MXRA5: variants seen among roughly 807,000 people sequenced by gnomAD.
MXRA5 encodes matrix-remodeling-associated protein 5.
In MXRA5, 41 loss-of-function variants were observed where a neutral mutation model predicts 112.5. The ratio of observed to expected loss-of-function variants is 0.36; its 90% CI spans 0.28 to 0.47. The LOEUF is 0.47. MXRA5 is among the 20% of genes least tolerant of loss of function. MXRA5 has a pLI of 0.99. For synonymous variants in MXRA5, 862 were observed against 900.8 expected (o/e 0.96, Z 0.77); for missense variants, 2,150 against 2,251.0 (o/e 0.96, Z 0.91).
rs1260557232 is a variant in MXRA5 at position 3,330,300 on chromosome X, G to T, written c.427C>A (p.His143Asn). 1.7e-6 allele frequency: 2 copies of T among 1,208,895 alleles called. No individual in the cohort carries two copies. The highest frequency in any genetic ancestry group is 2.2e-6 in the Non-Finnish European group (2 of 895,012). ...HIDHNKIEFI[H>N]PQAFNGLTSL... The stretch of plus-strand genomic sequence containing the variant: ...GTTAAGCCGTTGAAAGCTTGAGGGT[G>T]GATAAACTCGATCTTGTTGTGGTCA... The change falls in exon 4 of 7, where the codon CAC (histidine) becomes AAC (asparagine). Residue 143 changes from histidine to asparagine, a missense_variant. By Grantham distance (68) the His-to-Asn change is moderately conservative. Around this residue, in one of 6 missense-constraint regions of MXRA5, gnomAD observed 386 missense variants for 411.0 expected, o/e 0.94. Coordinates refer to ENST00000217939, the MANE Select transcript of MXRA5 (RefSeq NM_015419.4).
chrX:3,316,357 A>AATAT (rs1424907470), intron 6 of MXRA5, among the ~76,000 whole-genome samples: 21 of 99,196 alleles, frequency 2.1e-4, no homozygotes, highest in African/African-American at 3.0e-4. Context: ...TAAATAAATA[A>AATAT]ATAAATCACA....
chrX:3,331,475 G>A (rs1238258814), intron 2 of MXRA5, among the ~76,000 whole-genome samples: 1 of 111,696 alleles, frequency 9.0e-6, no homozygotes, highest in African/African-American at 3.3e-5. Context: ...GTAATAAAGA[G>A]GGACACGTGG....
Position 3,321,523 on chromosome X carries a change from G to C in MXRA5, c.4162C>G (p.Pro1388Ala), listed in dbSNP as rs530354790. The C allele has an allele frequency of 8.5e-5, 103 of 1,208,656 alleles. 1 individual carries two copies. In the South Asian group the frequency reaches 1.8e-3, roughly 21 times the overall value. ...GGTATGCCTGTCTGTAGCCTCCCAG[G>C]CTGGGCCGTCCTTGAGGGATTCCAG... ...PTWNPSRTAQ[P>A]GRLQTGIPVT... Residue 1388 changes from proline to alanine, a missense_variant, in exon 5 of 7, where the codon CCT (proline) becomes GCT (alanine). Coordinates refer to ENST00000217939, the MANE Select transcript of MXRA5 (RefSeq NM_015419.4).
chrX:3,329,934 A>T, intron 4 of MXRA5, 84 bp downstream of exon 4: 2 of 1,053,836 alleles, frequency 1.9e-6, no homozygotes, highest in Admixed American at 6.5e-5. Flanking sequence ...GAATAAGTCA[A>T]TATAAGAACC....
At chrX:3,325,618 T>A (rs1299208271) in intron 4 of MXRA5, among the ~76,000 whole-genome samples, 1 of 103,845 alleles carries the variant, frequency 9.6e-6, no homozygotes, top group East Asian at 2.9e-4. Context: ...AATATGTAGA[T>A]ATATTGACAT....
At chrX:3,329,517 C>T (rs1158044211) in intron 4 of MXRA5, among the ~76,000 whole-genome samples, 2 of 50,522 alleles carry the variant, frequency 4.0e-5, no homozygotes, top group East Asian at 9.4e-4. Flanking sequence ...TTTGTTGCAA[C>T]TGCAACACAT....
rs756252724 is a variant in MXRA5, at chrX:3,322,047, G to T, written c.3638C>A (p.Pro1213His). 6.6e-6 allele frequency: 8 copies of T among 1,209,071 alleles called. No homozygotes were observed. The East Asian group carries it at 2.1e-4, about 31-fold the overall frequency. Residue 1213 changes from proline (P) to histidine (H), a missense_variant, in exon 5 of 7, where the codon CCC becomes CAC. By Grantham distance (77) the Pro-to-His change is moderately conservative (BLOSUM62 -2). Around this residue, in one of 6 missense-constraint regions of MXRA5, gnomAD observed 1,485 missense variants for 1,471.6 expected, o/e 1.01. Transcript: ENST00000217939. ...ATTCTTCTCCATTTCCAACTGTTTG[G>T]GGGTATTAACTGTGTTATCCACCCA... Reference protein sequence around the residue: ...TAWVDNTVNTPKQLEMEKNAE... With the variant: ...TAWVDNTVNTHKQLEMEKNAE...
chrX:3,332,111 C>T (rs190910246), intron 2 of MXRA5, among the ~76,000 whole-genome samples: 177 of 112,440 alleles, frequency 1.6e-3, no homozygotes, highest in African/African-American at 5.4e-3. Flanking sequence ...GTGTGACTCC[C>T]CTAAGACCCA....
rs1428940877 is a variant in MXRA5, at chrX:3,308,909, A to G, written c.*807T>C. The G allele has an allele frequency of 8.9e-6, 1 of 112,004 alleles. No homozygotes were observed. The highest frequency in any genetic ancestry group is 1.9e-5 in the Non-Finnish European group (1 of 53,282). 9.2% of individuals were successfully genotyped at this position (112,004 alleles called of 1,213,427 possible). On this transcript the variant is annotated 3_prime_UTR_variant, in exon 7 of 7. Transcript: ENST00000217939. Reference sequence around the variant, plus strand: ...CTGGAGGGTTCCTGGAGAAGGTAATATAACAGTGGTGACTGAATTTGAAGG... The same window carrying G: ...CTGGAGGGTTCCTGGAGAAGGTAATGTAACAGTGGTGACTGAATTTGAAGG...
At position 3,308,722 on chromosome X, in the gene MXRA5, C is replaced by A. The variant is rs1920961938; in HGVS notation, c.*994G>T. The A allele has an allele frequency of 9.0e-6, 1 of 111,720 alleles. No individual in the cohort carries two copies. The highest frequency in any genetic ancestry group is 3.3e-5 in the African/African-American group (1 of 30,702). 9.2% of individuals were successfully genotyped at this position (111,720 alleles called of 1,213,427 possible). A position where few individuals can be genotyped will look rare whatever the true frequency, so the allele number is the denominator to read the frequency against. On this transcript the variant is annotated 3_prime_UTR_variant, in exon 7 of 7. Transcript: ENST00000217939. Reference sequence around the variant, plus strand: ...GCCACCTTAGACCAGATGGACAAGCCAGATACTGCAGAGAAGTTTCTGGGC... The same window carrying A: ...GCCACCTTAGACCAGATGGACAAGCAAGATACTGCAGAGAAGTTTCTGGGC...
In MXRA5 at chrX:3,311,012, T is replaced by A. The variant is rs762224701; in HGVS notation, c.7191A>T (p.Ile2397=). 1.6e-5 allele frequency: 19 copies of A among 1,209,640 alleles called. No homozygotes were observed. Among genetic ancestry groups the A allele is most frequent in the Non-Finnish European group, 2.1e-5 (19 of 895,181 alleles). Residue 2397 remains isoleucine, a synonymous_variant, in exon 7 of 7, where the codon ATA becomes ATT. Transcript: ENST00000217939. ...GAATAAGGAGAGTGCCATCTTGGTA[T>A]ATCTGATACTTCTCAGAGGAGGTGG... The part of the protein sequence containing the change: ...VIPTSSEKYQ[I]YQDGTLLIQK...
Position 3,322,451 on chromosome X carries a change from T to C in MXRA5, c.3234A>G (p.Thr1078=). ...QGGNMLEGDP[T]HSRSSESEGQ... Reference sequence around the variant, plus strand: ...CCTCACTCTCAGAACTTCTGGAGTGTGTGGGGTCTCCCTCTAGCATATTTC... The same window carrying C: ...CCTCACTCTCAGAACTTCTGGAGTGCGTGGGGTCTCCCTCTAGCATATTTC... Residue 1078 remains threonine (T), a synonymous_variant, in exon 5 of 7, where the codon ACA becomes ACG. Coordinates refer to ENST00000217939, the MANE Select transcript of MXRA5 (RefSeq NM_015419.4). 8.3e-7 allele frequency: 1 copy of C among 1,211,358 alleles called. No individual in the cohort carries two copies. The highest frequency in any genetic ancestry group is 1.1e-6 in the Non-Finnish European group (1 of 895,297).
Position 3,311,093 on chromosome X carries a change from G to T in MXRA5, c.7110C>A (p.Ala2370=). Residue 2370 remains alanine, a synonymous_variant, in exon 7 of 7, where the codon GCC becomes GCA. Coordinates refer to ENST00000217939, the MANE Select transcript of MXRA5 (RefSeq NM_015419.4). ...YGDVVTVACE[A]KGEPMPKVTW... ...TCACCTTGGGCATGGGTTCTCCTTT[G>T]GCCTCACAGGCTACAGTGACCACGT... 2 of 1,211,461 alleles carry T rather than the reference G, an allele frequency of 1.7e-6. No homozygotes were observed. The highest frequency in any genetic ancestry group is 3.5e-5 in the South Asian group (2 of 56,953).
rs767291521 is a variant in MXRA5 at position 3,320,872 on chromosome X, G to A, written c.4813C>T (p.Leu1605=). Residue 1605 remains leucine (L), a synonymous_variant, in exon 5 of 7, where the codon CTA becomes TTA. Coordinates refer to ENST00000217939, the MANE Select transcript of MXRA5 (RefSeq NM_015419.4). ...QDGRVHASHQ[L]TRVPAKPILP... is the part of the protein sequence containing the mutation. ...ATGGGTTTGGCAGGGACTCTGGTTA[G>A]TTGATGAGAAGCATGAACTCTTCCA... 1 of 1,211,992 alleles carries A rather than the reference G, an allele frequency of 8.3e-7. No individual in the cohort carries two copies. The highest frequency in any genetic ancestry group is 1.1e-6 in the Non-Finnish European group (1 of 895,596).
chrX:3,326,053 TTA>T (rs1312910954), intron 4 of MXRA5, among the ~76,000 whole-genome samples: 16 of 73,523 alleles, frequency 2.2e-4, no homozygotes, highest in African/African-American at 8.9e-4. Context: ...ATAAATATAT[TTA>T]TATATATTTA....
In MXRA5 at chrX:3,310,766, A is replaced by T. The variant is rs1314591219; in HGVS notation, c.7437T>A (p.Ala2479=). The T allele has an allele frequency of 8.3e-7, 1 of 1,202,119 alleles. No individual in the cohort carries two copies. The highest frequency in any genetic ancestry group is 3.0e-5 in the East Asian group (1 of 33,498). ...CTGGCAGAACCACACCCTCGGGAAA[A>T]GCCCATAACACCCTCGGGGTGGGGA... is the stretch of plus-strand genomic sequence containing the variant. ...EGIPTPRVLW[A]FPEGVVLPAP... The change falls in exon 7 of 7, where the codon GCT becomes GCA. Residue 2479 remains alanine, a synonymous_variant. Coordinates refer to ENST00000217939, the MANE Select transcript of MXRA5 (RefSeq NM_015419.4).
rs779225164 is a variant in MXRA5, at chrX:3,330,352, A to G, written c.375T>C (p.Gly125=). The G allele has an allele frequency of 1.6e-5, 19 of 1,209,548 alleles. No individual in the cohort carries two copies. The highest frequency in any genetic ancestry group is 2.0e-5 in the Non-Finnish European group (18 of 894,557). The change falls in exon 4 of 7, where the codon GGT becomes GGC. Residue 125 remains glycine (G), a synonymous_variant. Transcript: ENST00000217939. ...TGTGCAGCCTCATTAAGTTAGAGAG[A>G]CCCTGGAGGGTCTGTCCTGTGATCA... is the stretch of plus-strand genomic sequence containing the variant. The part of the protein sequence containing the change: ...LRVITGQTLQ[G]LSNLMRLHID...
intron 2 of MXRA5, among the ~76,000 whole-genome samples, chrX:3,337,607 A>G (rs1299663986): frequency 7.1e-5 from 8 of 111,997 alleles, no homozygotes; most frequent in African/African-American, 2.3e-4. Context: ...CTATATATCA[A>G]TTATATATCT....
At chrX:3,340,559 T>C (rs751063597) in intron 2 of MXRA5, among the ~76,000 whole-genome samples, 1 of 111,408 alleles carries the variant, frequency 9.0e-6, no homozygotes, top group Non-Finnish European at 1.9e-5. Flanking sequence ...CAGAAAACTA[T>C]CTCTAGATAT....
Sources: gnomAD v4.1 joint callset for allele counts (sites outside exome capture counted in the v4.1 genomes callset) on GRCh38, gnomAD v4.1.1 for gene constraint, gnomAD v4.1.1 regional missense constraint, MANE v1.5 for transcripts, NCBI Gene and HGNC (gene_info 2026-07-23, HGNC 2026-07-21) for gene names.